Variants in AGO3 observed in about 807,000 individuals in gnomAD.
The protein encoded by AGO3 is protein argonaute-3.
A neutral mutation model predicts 105.5 loss-of-function variants in AGO3; 16 were observed. That is an observed-to-expected ratio of 0.15 (90% CI 0.10 to 0.23). The LOEUF (loss-of-function observed/expected upper bound fraction) is 0.23. Ranked by LOEUF, AGO3 falls within the 10% of genes least tolerant of loss-of-function variation. The pLI, the probability that AGO3 is intolerant of heterozygous loss-of-function variation, is 1.00. For missense variants in AGO3, 534 were observed against 1,088.0 expected (o/e 0.49, Z 7.16); for synonymous variants, 340 against 367.3 (o/e 0.93, Z 0.85).
chr1:36,020,845 G>C (rs1309809153), intron 11 of AGO3, among the ~76,000 whole-genome samples: 1 of 151,974 alleles, frequency 6.6e-6, no homozygotes, highest in African/African-American at 2.4e-5. Context: ...TCGAACTCCT[G>C]ACCTCAAGTG....
At chr1:36,031,892 GTGTGT>G (rs1366351240) in intron 12 of AGO3, among the ~76,000 whole-genome samples, 5 of 144,214 alleles carry the variant, frequency 3.5e-5, no homozygotes, top group African/African-American at 1.4e-4. Context: ...TTGTATATGT[GTGTGT>G]GGGGGGGCGG....
intron 2 of AGO3, among the ~76,000 whole-genome samples, chr1:35,957,013 C>T (rs1258611186): frequency 6.6e-6 from 1 of 151,888 alleles, no homozygotes; most frequent in Non-Finnish European, 1.5e-5. Flanking sequence ...CAAAGCCAGG[C>T]GTATAGAGAC....
chr1:36,031,765 C>T (rs1641787887), intron 12 of AGO3, among the ~76,000 whole-genome samples: 1 of 152,068 alleles, frequency 6.6e-6, no homozygotes, highest in Non-Finnish European at 1.5e-5. Context: ...TTCTAGTTTC[C>T]TTATGTACAT....
chr1:36,011,988 A>G (rs1234813071), intron 9 of AGO3, among the ~76,000 whole-genome samples: 1 of 152,208 alleles, frequency 6.6e-6, no homozygotes, highest in Non-Finnish European at 1.5e-5. Context: ...ACCTTATTAC[A>G]GGATACACTG....
intron 2 of AGO3, among the ~76,000 whole-genome samples, chr1:35,951,842 AAG>A (rs1646475078): frequency 6.6e-6 from 1 of 152,206 alleles, no homozygotes; most frequent in Non-Finnish European, 1.5e-5. Context: ...ATAGTATGCC[AAG>A]AGGGGGCATA....
chr1:35,967,522 C>G (rs1223031614), intron 3 of AGO3, among the ~76,000 whole-genome samples: 1 of 151,878 alleles, frequency 6.6e-6, no homozygotes, highest in Non-Finnish European at 1.5e-5. Context: ...TCAAGTGATT[C>G]TTGTACCTCA....
At chr1:35,962,623 A>G (rs186492366) in intron 2 of AGO3, among the ~76,000 whole-genome samples, 48 of 152,188 alleles carry the variant, frequency 3.2e-4, no homozygotes, top group African/African-American at 1.1e-3. Context: ...GACAGTATAG[A>G]GAACTCAGAT....
chr1:36,050,218 G>A (rs1004865148), intron 17 of AGO3, among the ~76,000 whole-genome samples: 1 of 152,214 alleles, frequency 6.6e-6, no homozygotes, highest in Admixed American at 6.5e-5. Context: ...AGGTGTGGTG[G>A]CTCATGCCTA....
intron 1 of AGO3, among the ~76,000 whole-genome samples, chr1:35,932,735 T>G (rs1646076425): frequency 6.6e-6 from 1 of 152,146 alleles, no homozygotes; most frequent in African/African-American, 2.4e-5. Context: ...TCTGAAACTG[T>G]CCTGCCCTTT....
At chr1:35,943,601 C>T (rs1263152786) in intron 1 of AGO3, among the ~76,000 whole-genome samples, 2 of 123,396 alleles carry the variant, frequency 1.6e-5, no homozygotes, top group Non-Finnish European at 1.7e-5. Flanking sequence ...ACCCCCAGCC[C>T]TTTTTTTTTT....
At chr1:35,951,810 AT>A (rs899417152) in intron 2 of AGO3, among the ~76,000 whole-genome samples, 3 of 152,202 alleles carry the variant, frequency 2.0e-5, no homozygotes, top group African/African-American at 7.2e-5. Context: ...TAGGAATGTC[AT>A]TTTTATGGTG....
Position 35,943,205 on chromosome 1 carries a change from A to C in AGO3, c.20-2487A>C, listed in dbSNP as rs1374011030. On this transcript the variant is annotated intron_variant, in intron 1 of 18. Transcript: ENST00000373191. ...ATTTTTTTGGTGGAGATGATGTTTC[A>C]CCATGTTGGCCAGGCTATTCTCGAA... Among the ~76,000 whole-genome samples the C allele has an allele frequency of 2.0e-5, 3 of 150,890 alleles. No individual in the cohort carries two copies. The East Asian group carries it at 5.8e-4, about 29-fold the overall frequency.
Position 36,069,484 on chromosome 1 carries a change from T to A in AGO3, c.*13739T>A, listed in dbSNP as rs1022474189. ...GACGTTCAAGATAATAGAAGAGTGTTGTGTGAAGGATTCCTTTCCAGTTTG... is the reference window on the plus strand; with the variant it reads ...GACGTTCAAGATAATAGAAGAGTGTAGTGTGAAGGATTCCTTTCCAGTTTG... On this transcript the variant is annotated 3_prime_UTR_variant, in exon 19 of 19. Coordinates refer to ENST00000373191, the MANE Select transcript of AGO3 (RefSeq NM_024852.4). 1 of 152,240 alleles carries A rather than the reference T, an allele frequency of 6.6e-6. No homozygotes were observed. The highest frequency in any genetic ancestry group is 2.4e-5 in the African/African-American group (1 of 41,460). The allele number at this position is 152,240 out of a possible 1,614,324, so 9.4% of individuals were successfully genotyped here.
Position 35,962,848 on chromosome 1 carries a change from G to A in AGO3, c.192-4107G>A, listed in dbSNP as rs111605724. On this transcript the variant is annotated intron_variant, in intron 2 of 18. Coordinates refer to ENST00000373191, the MANE Select transcript of AGO3 (RefSeq NM_024852.4). ...ATCTTTTTGACTTTGTATTAGGAAA[G>A]TATTTCTTAATACCTCAAAAGCTTG... 1.9e-3 allele frequency among the ~76,000 whole-genome samples: 284 copies of A among 152,286 alleles called. 2 individuals carry two copies. Among genetic ancestry groups the A allele is most frequent in the African/African-American group, 6.6e-3 (273 of 41,560 alleles).
chr1:36,011,435 G>GT lies in AGO3; in HGVS notation c.1149+1845dup, dbSNP rs199824571. Reference sequence around the variant, plus strand: ...TATTTAATTAGGAAAATATATGCTGGTTTTCATCTTGGATTTTTCTCTGAT... The same window carrying GT: ...TATTTAATTAGGAAAATATATGCTGGTTTTTCATCTTGGATTTTTCTCTGAT... On this transcript the variant is annotated intron_variant, in intron 9 of 18. Coordinates refer to ENST00000373191, the MANE Select transcript of AGO3 (RefSeq NM_024852.4). Among the ~76,000 whole-genome samples, 1,261 of 152,024 alleles carry GT rather than the reference G, an allele frequency of 8.3e-3. 19 individuals are homozygous for GT. The highest frequency in any genetic ancestry group is 0.028 in the African/African-American group (1,181 of 41,450).
rs1249866932 is a variant in AGO3 at position 36,008,338 on chromosome 1, TTTCA to T, written c.794-348_794-345del. On this transcript the variant is annotated intron_variant, in intron 6 of 18. Coordinates refer to ENST00000373191, the MANE Select transcript of AGO3 (RefSeq NM_024852.4). The surrounding 1 kb of genome is among the most constrained non-coding windows in gnomAD (Gnocchi z 5.1). Reference sequence around the variant, plus strand: ...ACCTTGAGAATTATTGGATCTCCTCTTTCATTCCTCCTTCCCTCTCCCAGCATAA... The same window carrying T: ...ACCTTGAGAATTATTGGATCTCCTCTTTCCTCCTTCCCTCTCCCAGCATAA... 1.3e-5 allele frequency among the ~76,000 whole-genome samples: 2 copies of T among 152,208 alleles called. No homozygotes were observed. Among genetic ancestry groups the T allele is most frequent in the African/African-American group, 4.8e-5 (2 of 41,468 alleles).
chr1:36,017,358 C>T (rs911147473), intron 11 of AGO3, among the ~76,000 whole-genome samples: 1 of 152,202 alleles, frequency 6.6e-6, no homozygotes, highest in African/African-American at 2.4e-5. Flanking sequence ...TCCCCTACGA[C>T]TGAATCTGTT....
At chr1:35,987,185 A>T (rs1422656187) in intron 5 of AGO3, among the ~76,000 whole-genome samples, 1 of 151,468 alleles carries the variant, frequency 6.6e-6, no homozygotes, top group African/African-American at 2.4e-5. Context: ...AAAATCAGCC[A>T]GACGTGGTGG....
rs144398972 is a variant in AGO3, at chr1:36,051,210, C to T, written c.2275-3736C>T. Reference sequence around the variant, plus strand: ...TCGGCCTCCCAAAGTACTAGGATTACAGTCATGAGTTACCATGCCCGGCCT... The same window carrying T: ...TCGGCCTCCCAAAGTACTAGGATTATAGTCATGAGTTACCATGCCCGGCCT... On this transcript the variant is annotated intron_variant, in intron 17 of 18. Transcript: ENST00000373191. 1.5e-3 allele frequency among the ~76,000 whole-genome samples: 231 copies of T among 152,238 alleles called. 1 individual carries two copies. Among genetic ancestry groups the T allele is most frequent in the African/African-American group, 5.3e-3 (220 of 41,528 alleles).
Sources: allele counts gnomAD v4.1 joint callset (sites outside exome capture counted in the v4.1 genomes callset), GRCh38; gene constraint gnomAD v4.1.1; non-coding constraint Gnocchi (gnomAD v3.1); transcripts MANE v1.5; gene names NCBI Gene and HGNC (gene_info 2026-07-23, HGNC 2026-07-21).